Variants in TLE1 observed in about 807,000 individuals in gnomAD.
TLE1 encodes TLE family member 1, transcriptional corepressor.
A neutral mutation model predicts 89.8 loss-of-function variants in TLE1; 21 were observed. The observed-to-expected ratio is 0.23, with a 90% CI of 0.17 to 0.34. The LOEUF is 0.34. Among genes scored for constraint, TLE1 ranks in the 10% least tolerant of loss-of-function variants. The pLI is 1.00. For missense variants in TLE1, 795 were observed against 1,031.2 expected (o/e 0.77, Z 3.14); for synonymous variants, 447 against 407.6 (o/e 1.10, Z -1.16).
chr9:81,595,823 A>C (rs908743231), intron 14 of TLE1, among the ~76,000 whole-genome samples: 1 of 151,996 alleles, frequency 6.6e-6, no homozygotes, highest in Middle Eastern at 3.4e-3. Context: ...TCAAAAAAAA[A>C]AAAAAAAAAA....
intron 6 of TLE1, among the ~76,000 whole-genome samples, chr9:81,647,271 C>A (rs191900879): frequency 7.2e-5 from 11 of 152,292 alleles, no homozygotes; most frequent in African/African-American, 2.6e-4. Flanking sequence ...ATTCCTATAA[C>A]CTCTTGTGCC....
rs762531727 is a variant in TLE1, at chr9:81,592,719, CT to C, written c.1581+305del. Among the ~76,000 whole-genome samples the C allele has an allele frequency of 6.7e-4, 102 of 152,270 alleles. 2 individuals carry two copies. The highest frequency in any genetic ancestry group is 3.2e-4 in the Non-Finnish European group (22 of 68,034). ...GGATCAGAGTCCAGGCCCAGTTGTG[CT>C]TTTGTCCATTAAATGGGAAACTCTC... On this transcript the variant is annotated intron_variant, in intron 15 of 19. Transcript: ENST00000376499.
At chr9:81,641,036 G>A (rs988383482) in intron 6 of TLE1, among the ~76,000 whole-genome samples, 1 of 152,162 alleles carries the variant, frequency 6.6e-6, no homozygotes, top group African/African-American at 2.4e-5. Flanking sequence ...CTGATGCTAA[G>A]AGTGACAGTA....
At chr9:81,686,272 C>T (rs68097268) in intron 2 of TLE1, among the ~76,000 whole-genome samples, 19,137 of 152,212 alleles carry the variant, frequency 0.13, 1,804 homozygotes, top group East Asian at 0.49. Context: ...ATAGGCTGTG[C>T]CATCTTTGCC....
intron 4 of TLE1, among the ~76,000 whole-genome samples, chr9:81,665,737 T>G (rs1831382087): frequency 6.6e-6 from 1 of 152,150 alleles, no homozygotes; most frequent in Non-Finnish European, 1.5e-5. Flanking sequence ...ATAGCGGGCT[T>G]GAGTGTGGGG....
At chr9:81,627,877 G>C (rs994111999) in intron 8 of TLE1, among the ~76,000 whole-genome samples, 2 of 152,070 alleles carry the variant, frequency 1.3e-5, no homozygotes, top group African/African-American at 4.8e-5. Flanking sequence ...CTTGGCACGT[G>C]GACCCTTATT....
chr9:81,645,327 T>G (rs1466207310), intron 6 of TLE1, among the ~76,000 whole-genome samples: 1 of 149,332 alleles, frequency 6.7e-6, no homozygotes, highest in Non-Finnish European at 1.5e-5. Context: ...ATCGCGCCAT[T>G]GCACTCCAGC....
chr9:81,664,694 C>CTTT (rs1831236354), intron 4 of TLE1, among the ~76,000 whole-genome samples: 1 of 149,076 alleles, frequency 6.7e-6, no homozygotes, highest in Admixed American at 6.7e-5. Flanking sequence ...GAAACTCAAT[C>CTTT]TCTCTTTTAA....
intron 6 of TLE1, among the ~76,000 whole-genome samples, chr9:81,649,048 C>G (rs939115798): frequency 2.6e-5 from 4 of 152,090 alleles, no homozygotes; most frequent in South Asian, 2.1e-4. Context: ...TAAGAAGCAA[C>G]AGTCAAAAAG....
chr9:81,595,821 A>G (rs1316721331), intron 14 of TLE1, among the ~76,000 whole-genome samples: 5 of 151,794 alleles, frequency 3.3e-5, no homozygotes, highest in Non-Finnish European at 7.4e-5. Flanking sequence ...TCTCAAAAAA[A>G]AAAAAAAAAA....
Position 81,616,470 on chromosome 9 carries a change from TTA to T in TLE1, c.765+174_765+175del, listed in dbSNP as rs974095545. On this transcript the variant is annotated intron_variant, in intron 10 of 19. Transcript: ENST00000376499. The stretch of plus-strand genomic sequence containing the variant: ...ATCTTTTTTTAAAGGAAATAAAACT[TTA>T]TGTCAGTTAGACCATTATTGCTCCA... 6.5e-4 allele frequency among the ~76,000 whole-genome samples: 99 copies of T among 152,292 alleles called. 1 individual carries two copies. Among genetic ancestry groups the T allele is most frequent in the Admixed American group, 2.1e-3 (32 of 15,292 alleles).
intron 4 of TLE1, among the ~76,000 whole-genome samples, chr9:81,684,247 C>T (rs1484172849): frequency 6.8e-6 from 1 of 147,376 alleles, no homozygotes; most frequent in Admixed American, 7.1e-5. Flanking sequence ...AGCCCATTTA[C>T]TATCAAGAAG....
At chr9:81,612,445 A>G in intron 12 of TLE1, 1 of 861,818 alleles carries the variant, frequency 1.2e-6, no homozygotes, top group Admixed American at 6.2e-5. Flanking sequence ...TCTGTTGCCT[A>G]TTTTCCTTTG....
intron 11 of TLE1, among the ~76,000 whole-genome samples, chr9:81,615,259 G>A (rs1479143795): frequency 6.7e-6 from 1 of 150,236 alleles, no homozygotes; most frequent in Non-Finnish European, 1.5e-5. Context: ...AACCTGGGAG[G>A]TGGAGGTTGC....
intron 7 of TLE1, 49 bp from the exon 8 acceptor site, chr9:81,633,413 A>G (rs1826959084): frequency 1.2e-6 from 2 of 1,613,958 alleles, no homozygotes; most frequent in South Asian, 2.2e-5. Flanking sequence ...GTTCAGACAC[A>G]GAGGCAAGAA....
At chr9:81,676,739 A>G (rs185392774) in intron 4 of TLE1, among the ~76,000 whole-genome samples, 1 of 152,162 alleles carries the variant, frequency 6.6e-6, no homozygotes, top group Non-Finnish European at 1.5e-5. Context: ...GACAATTTAC[A>G]TCTGCTATCT....
At chr9:81,599,840 T>G in intron 14 of TLE1, 1 of 382,516 alleles carries the variant, frequency 2.6e-6, no homozygotes, top group Non-Finnish European at 4.7e-6. Context: ...AGTAGCAAAC[T>G]TCAAAGCATT....
At chr9:81,643,193 T>C (rs886235014) in intron 6 of TLE1, among the ~76,000 whole-genome samples, 3 of 152,092 alleles carry the variant, frequency 2.0e-5, no homozygotes, top group Admixed American at 1.3e-4. Context: ...TATTGTATAC[T>C]TGAAATTTGC....
At chr9:81,607,050 C>G (rs1223643034) in intron 14 of TLE1, among the ~76,000 whole-genome samples, 1 of 128,024 alleles carries the variant, frequency 7.8e-6, no homozygotes, top group Non-Finnish European at 1.6e-5. Context: ...CCAGGGAGAC[C>G]CAGTGTCTCT....
Sources: gnomAD v4.1 joint callset for allele counts (sites outside exome capture counted in the v4.1 genomes callset) on GRCh38, gnomAD v4.1.1 for gene constraint, MANE v1.5 for transcripts, NCBI Gene and HGNC (gene_info 2026-07-23, HGNC 2026-07-21) for gene names.